LAMA1: variants seen among roughly 807,000 people sequenced by gnomAD.
LAMA1 encodes laminin subunit alpha 1.
Under a neutral mutation model 348.7 loss-of-function variants are expected in LAMA1, and 219 were observed. The observed-to-expected ratio is 0.63, with a 90% CI of 0.56 to 0.70. LAMA1 has a LOEUF of 0.70. Among genes scored for constraint, LAMA1 ranks in the 30% least tolerant of loss-of-function variants. The pLI, the probability that LAMA1 is intolerant of heterozygous loss-of-function variation, is 0.00. For missense variants in LAMA1, 3,744 were observed against 3,888.0 expected (o/e 0.96, Z 0.99); for synonymous variants, 1,487 against 1,491.0 (o/e 1.00, Z 0.06).
At chr18:7,101,276 A>C (rs2058290252) in intron 1 of LAMA1, among the ~76,000 whole-genome samples, 1 of 152,234 alleles carries the variant, frequency 6.6e-6, no homozygotes. Context: ...CTGTTAAAAC[A>C]GAGATTCTCC....
rs1160813977 is a variant in LAMA1 at position 7,099,010 on chromosome 18, T to C, written c.62-18553A>G. On this transcript the variant is annotated intron_variant, in intron 1 of 62. Coordinates refer to ENST00000389658, the MANE Select transcript of LAMA1 (RefSeq NM_005559.4). ...GAACAGGCCATGATGACAATGGTGGTTTTGTGGAATAGAAAGGGGGGAAAG... is the reference window on the plus strand; with the variant it reads ...GAACAGGCCATGATGACAATGGTGGCTTTGTGGAATAGAAAGGGGGGAAAG... 3.3e-5 allele frequency among the ~76,000 whole-genome samples: 5 copies of C among 152,054 alleles called. No individual in the cohort carries two copies. The South Asian group carries it at 6.2e-4, about 19-fold the overall frequency.
At position 6,943,286 on chromosome 18, in the gene LAMA1, G is replaced by A. The variant is rs1467286024; in HGVS notation, c.8961C>T (p.His2987=). ...TCCCGTCAACAATCAGAGTGATACG[G>A]TGTTTGCTTTTGTTAGCTTGAAGAG... is the stretch of plus-strand genomic sequence containing the variant. ...WHTLQANKSK[H]RITLIVDGNA... Residue 2987 remains histidine, a synonymous_variant, in exon 62 of 63, where the codon CAC becomes CAT. Coordinates refer to ENST00000389658, the MANE Select transcript of LAMA1 (RefSeq NM_005559.4). 3 of 1,614,082 alleles carry A rather than the reference G, an allele frequency of 1.9e-6. No homozygotes were observed. The highest frequency in any genetic ancestry group is 8.5e-7 in the Non-Finnish European group (1 of 1,180,052).
chr18:7,076,029 C>G (rs77136593), intron 3 of LAMA1, among the ~76,000 whole-genome samples: 4 of 151,872 alleles, frequency 2.6e-5, no homozygotes, highest in African/African-American at 9.7e-5. Context: ...AATAAGACAT[C>G]TCTCTATAAA....
intron 1 of LAMA1, among the ~76,000 whole-genome samples, chr18:7,100,157 A>G (rs1178940177): frequency 6.6e-6 from 1 of 152,080 alleles, no homozygotes; most frequent in Admixed American, 6.5e-5. Flanking sequence ...AAATATGCAA[A>G]ACTCTTAACT....
intron 46 of LAMA1, 114 bp from the exon 47 acceptor site, chr18:6,973,321 AC>A (rs112448411): frequency 0.018 from 16,327 of 929,576 alleles, 373 homozygotes; most frequent in African/African-American, 0.091. Flanking sequence ...CTGCAACAGC[AC>A]CCCCCTGCTG....
At chr18:7,112,748 T>G (rs1431237826) in intron 1 of LAMA1, among the ~76,000 whole-genome samples, 1 of 151,940 alleles carries the variant, frequency 6.6e-6, no homozygotes, top group Non-Finnish European at 1.5e-5. Context: ...GCAATTCTCC[T>G]GCCTCAGCCT....
At chr18:7,060,262 A>T (rs1192618933) in intron 3 of LAMA1, among the ~76,000 whole-genome samples, 1 of 151,184 alleles carries the variant, frequency 6.6e-6, no homozygotes, top group African/African-American at 2.5e-5. Flanking sequence ...TCATTTTAGG[A>T]GCAGCATACT....
At chr18:7,083,041 C>T (rs2058199532) in intron 1 of LAMA1, among the ~76,000 whole-genome samples, 1 of 151,986 alleles carries the variant, frequency 6.6e-6, no homozygotes, top group Non-Finnish European at 1.5e-5. Flanking sequence ...GAGTCTTTGC[C>T]CTGAGCCACT....
intron 17 of LAMA1, 76 bp downstream of exon 17, chr18:7,025,903 C>T (rs2057940489): frequency 1.3e-6 from 2 of 1,547,440 alleles, no homozygotes; most frequent in Non-Finnish European, 1.8e-6. Flanking sequence ...CAGTCTTGCT[C>T]TGAAGTCATT....
In LAMA1 at chr18:6,960,614, C is replaced by T. The variant is rs545570305; in HGVS notation, c.7626+972G>A. The T allele has an allele frequency of 6.7e-4, 99 of 148,798 alleles. No individual in the cohort carries two copies. The Middle Eastern group carries it at 0.01, about 15-fold the overall frequency. The allele number at this position is 148,798 out of a possible 1,614,324, so 9.2% of individuals were successfully genotyped here. ...CTCGTAACATTGTGAATGCACTAAACGCTGCTGAATTGTTCACTATGAAAT... is the reference window on the plus strand; with the variant it reads ...CTCGTAACATTGTGAATGCACTAAATGCTGCTGAATTGTTCACTATGAAAT... On this transcript the variant is annotated intron_variant, in intron 53 of 62. Coordinates refer to ENST00000389658, the MANE Select transcript of LAMA1 (RefSeq NM_005559.4).
chr18:7,016,007 C>T (rs753844152), intron 21 of LAMA1, 149 bp from the exon 22 acceptor site: 4 of 895,750 alleles, frequency 4.5e-6, no homozygotes, highest in Non-Finnish European at 5.3e-6. Context: ...CCCTCCATGT[C>T]TCATGGAGGT....
intron 3 of LAMA1, among the ~76,000 whole-genome samples, chr18:7,073,197 A>G (rs978757541): frequency 6.6e-6 from 1 of 152,092 alleles, no homozygotes; most frequent in Non-Finnish European, 1.5e-5. Context: ...TTCCTGACTG[A>G]CCCTGGCTGA....
chr18:7,040,372 C>T, intron 9 of LAMA1, 136 bp from the exon 10 acceptor site: 2 of 813,110 alleles, frequency 2.5e-6, no homozygotes, highest in Non-Finnish European at 2.1e-6. Flanking sequence ...TTTGCAGCTG[C>T]TCAGCTCAGC....
intron 40 of LAMA1, 44 bp from the exon 41 acceptor site, chr18:6,982,634 T>G (rs752900327): frequency 6.7e-7 from 1 of 1,500,132 alleles, no homozygotes; most frequent in Non-Finnish European, 9.3e-7. Context: ...CAGGGCAGGG[T>G]GGAGTCCTGC....
chr18:7,079,872 A>G, intron 3 of LAMA1, 103 bp downstream of exon 3: 2 of 820,870 alleles, frequency 2.4e-6, no homozygotes. Context: ...GTGAGATTAG[A>G]ATGTAAATGT....
At chr18:7,112,627 A>T (rs1165517648) in intron 1 of LAMA1, among the ~76,000 whole-genome samples, 1 of 135,820 alleles carries the variant, frequency 7.4e-6, no homozygotes, top group Non-Finnish European at 1.5e-5. Flanking sequence ...TATGTATTTT[A>T]TATATATATA....
At chr18:6,961,855 C>G in intron 52 of LAMA1, 90 bp downstream of exon 52, 18 of 1,569,398 alleles carry the variant, frequency 1.1e-5, no homozygotes, top group Non-Finnish European at 1.6e-5. Context: ...CATCTCTTTT[C>G]TATCCCCACT....
chr18:6,996,650 GTGCC>G (rs1462166858), intron 33 of LAMA1, among the ~76,000 whole-genome samples: 1 of 152,046 alleles, frequency 6.6e-6, no homozygotes, highest in Non-Finnish European at 1.5e-5. Flanking sequence ...ATGGTGGTGT[GTGCC>G]TGTAGTCTCA....
intron 1 of LAMA1, among the ~76,000 whole-genome samples, chr18:7,107,963 A>G (rs190784834): frequency 0.017 from 2,541 of 151,454 alleles, 65 homozygotes; most frequent in African/African-American, 0.053. Flanking sequence ...GCAGTGAGCC[A>G]AGATCGCGCC....
Sources: gnomAD v4.1 joint callset for allele counts (sites outside exome capture counted in the v4.1 genomes callset) on GRCh38, gnomAD v4.1.1 for gene constraint, MANE v1.5 for transcripts, NCBI Gene and HGNC (gene_info 2026-07-23, HGNC 2026-07-21) for gene names.